The following NFIB variants were observed in gnomAD, a reference collection of about 807,000 sequenced individuals.
NFIB encodes nuclear factor I B, also known as nuclear factor 1 B-type.
Under a neutral mutation model 61.5 loss-of-function variants are expected in NFIB, and 11 were observed. The observed-to-expected ratio is 0.18, with a 90% confidence interval of 0.11 to 0.30. NFIB has a LOEUF of 0.30. Among genes scored for constraint, NFIB ranks in the 10% least tolerant of loss-of-function variants. NFIB has a pLI of 1.00. For synonymous variants in NFIB, 260 were observed against 216.5 expected (o/e 1.20, Z -1.76); for missense variants, 471 against 608.9 (o/e 0.77, Z 2.38).
intron 1 of NFIB, among the ~76,000 whole-genome samples, chr9:14,309,208 A>C (rs1002372699): frequency 4.6e-5 from 7 of 152,194 alleles, no homozygotes; most frequent in African/African-American, 1.7e-4. Flanking sequence ...ATGAAAGTAC[A>C]ACTAATGACT....
chr9:14,268,976 C>T (rs117999457), intron 2 of NFIB, among the ~76,000 whole-genome samples: 4,653 of 152,268 alleles, frequency 0.031, 120 homozygotes, highest in Middle Eastern at 0.13. Flanking sequence ...TATCAATCTC[C>T]ACTTACCACT....
intron 1 of NFIB, among the ~76,000 whole-genome samples, chr9:14,376,259 G>C (rs2061417962): frequency 6.6e-6 from 1 of 152,116 alleles, no homozygotes; most frequent in Non-Finnish European, 1.5e-5. Flanking sequence ...TAACTAAAGA[G>C]CAGAAAATTC....
At chr9:14,494,557 G>A in the NFIB span, among the ~76,000 whole-genome samples, 1 of 152,176 alleles carries the variant, frequency 6.6e-6, no homozygotes, top group African/African-American at 2.4e-5. Context: ...AACATGGAGT[G>A]CTACGAAGCT....
intron 1 of NFIB, chr9:14,362,397 C>T (rs2061251602): frequency 6.6e-6 from 1 of 152,140 alleles, no homozygotes; most frequent in Non-Finnish European, 1.5e-5. Flanking sequence ...CCACTGTCAA[C>T]AAATAGAGCT....
At chr9:14,161,268 T>C (rs569803847) in intron 3 of NFIB, among the ~76,000 whole-genome samples, 22 of 152,304 alleles carry the variant, frequency 1.4e-4, no homozygotes, top group African/African-American at 5.3e-4. Context: ...AAAATAGAAA[T>C]ATTAATCATT....
intron 2 of NFIB, among the ~76,000 whole-genome samples, chr9:14,240,431 G>A (rs960881502): frequency 3.3e-5 from 5 of 152,104 alleles, no homozygotes; most frequent in African/African-American, 1.2e-4. Context: ...TTCAAAATGT[G>A]CATCGCATTA....
At chr9:14,192,358 A>G (rs972458881) in intron 2 of NFIB, among the ~76,000 whole-genome samples, 5 of 152,164 alleles carry the variant, frequency 3.3e-5, no homozygotes, top group African/African-American at 9.7e-5. Flanking sequence ...TTTGGATGAT[A>G]TTATGCAAAC....
chr9:14,467,426 G>C, the NFIB span, among the ~76,000 whole-genome samples: 16 of 152,044 alleles, frequency 1.1e-4, 1 homozygote, highest in African/African-American at 3.9e-4. Context: ...AGTGATTAGA[G>C]AAGCCAAGGA....
chr9:14,375,614 C>T (rs2061409869), intron 1 of NFIB, among the ~76,000 whole-genome samples: 1 of 151,878 alleles, frequency 6.6e-6, no homozygotes, highest in African/African-American at 2.4e-5. Flanking sequence ...GCTGAGATTG[C>T]ACCACTGCAC....
chr9:14,484,553 G>T, the NFIB span, among the ~76,000 whole-genome samples: 2 of 152,174 alleles, frequency 1.3e-5, no homozygotes, highest in Admixed American at 1.3e-4. Context: ...ATGCATCAGA[G>T]AAATAAATAA....
the NFIB span, among the ~76,000 whole-genome samples, chr9:14,505,844 A>G: frequency 6.6e-6 from 1 of 152,152 alleles, no homozygotes; most frequent in African/African-American, 2.4e-5. Flanking sequence ...CTGAGCAAGA[A>G]ACTGCAGAGG....
the NFIB span, among the ~76,000 whole-genome samples, chr9:14,525,069 G>A: frequency 1.3e-5 from 2 of 152,112 alleles, no homozygotes; most frequent in African/African-American, 2.4e-5. Context: ...ATTGTCTCGA[G>A]GAAAGATGAA....
At chr9:14,264,581 C>A (rs2057045583) in intron 2 of NFIB, among the ~76,000 whole-genome samples, 1 of 152,058 alleles carries the variant, frequency 6.6e-6, no homozygotes, top group Non-Finnish European at 1.5e-5. Context: ...GAGGATTACC[C>A]AGATTACAGT....
intron 2 of NFIB, among the ~76,000 whole-genome samples, chr9:14,183,200 C>G (rs75145466): frequency 6.6e-6 from 1 of 152,036 alleles, no homozygotes; most frequent in African/African-American, 2.4e-5. Context: ...CCTGAGAAAT[C>G]CTGTGTAAAT....
intron 2 of NFIB, among the ~76,000 whole-genome samples, chr9:14,224,392 G>GA (rs1338275537): frequency 6.6e-6 from 1 of 152,184 alleles, no homozygotes; most frequent in African/African-American, 2.4e-5. Context: ...AGTGTCCTGA[G>GA]AAAAATCAAG....
chr9:14,246,578 CAT>C (rs1360668652), intron 2 of NFIB, among the ~76,000 whole-genome samples: 2 of 152,128 alleles, frequency 1.3e-5, no homozygotes, highest in East Asian at 1.9e-4. Flanking sequence ...AGTGAATGCC[CAT>C]ATGTTTGCCA....
intron 2 of NFIB, among the ~76,000 whole-genome samples, chr9:14,230,130 G>C (rs890321361): frequency 1.3e-5 from 2 of 152,126 alleles, no homozygotes; most frequent in Non-Finnish European, 2.9e-5. Context: ...CTAATTAGTG[G>C]TATTTTTAAG....
chr9:14,507,469 T>C, the NFIB span, among the ~76,000 whole-genome samples: 1 of 152,230 alleles, frequency 6.6e-6, no homozygotes, highest in South Asian at 2.1e-4. Flanking sequence ...TTTAGATATA[T>C]GTAACATTTT....
the NFIB span, among the ~76,000 whole-genome samples, chr9:14,442,748 C>T: frequency 6.6e-6 from 1 of 152,270 alleles, no homozygotes; most frequent in African/African-American, 2.4e-5. Flanking sequence ...TAAAGACTCT[C>T]TGAATAAGGT....
Sources: gnomAD v4.1 joint callset for allele counts (sites outside exome capture counted in the v4.1 genomes callset) on GRCh38, gnomAD v4.1.1 for gene constraint, MANE v1.5 for transcripts, NCBI Gene and HGNC (gene_info 2026-07-23, HGNC 2026-07-21) for gene names.